DST: variants seen among roughly 807,000 people sequenced by gnomAD.
The protein encoded by DST is dystonin.
A neutral mutation model predicts 875.2 loss-of-function variants in DST; 253 were observed. That is an observed-to-expected ratio of 0.29 (90% confidence interval 0.26 to 0.32). DST has a LOEUF of 0.32. Ranked by LOEUF, DST falls within the 10% of genes least tolerant of loss-of-function variation. DST has a pLI of 1.00. For missense variants in DST, 8,287 were observed against 9,111.6 expected (o/e 0.91, Z 3.68); for synonymous variants, 3,124 against 3,197.1 (o/e 0.98, Z 0.77).
chr6:56,834,077 T>C (rs906445989), intron 4 of DST, among the ~76,000 whole-genome samples: 4 of 151,940 alleles, frequency 2.6e-5, no homozygotes, highest in African/African-American at 7.3e-5. Context: ...AACATAAAAA[T>C]ATTAGCCCAA....
chr6:56,630,501 T>A, intron 30 of DST, 118 bp from the exon 31 acceptor site: 1 of 900,956 alleles, frequency 1.1e-6, no homozygotes, highest in Non-Finnish European at 1.7e-6. Flanking sequence ...GGAACACTGA[T>A]ACATTTACTA....
chr6:56,815,156 AT>A (rs2099765134), intron 4 of DST, among the ~76,000 whole-genome samples: 1 of 152,220 alleles, frequency 6.6e-6, no homozygotes, highest in Non-Finnish European at 1.5e-5. Context: ...TATATAAAGC[AT>A]TTAGAACAGT....
Position 56,569,985 on chromosome 6 carries a change from T to C in DST, c.13749A>G (p.Glu4583=), listed in dbSNP as rs770856287. The change falls in exon 54 of 104, where the codon GAA becomes GAG. Residue 4583 remains glutamate (E), a synonymous_variant. Coordinates refer to ENST00000680361, the MANE Select transcript of DST (RefSeq NM_001374736.1). The stretch of plus-strand genomic sequence containing the variant: ...CAAGAACTTGGAAAGCATCCAACTG[T>C]TCTTGACAAGAAGTTACAGCTTCTT... ...EKKEAVTSCQ[E]QLDAFQVLVK... 1.3e-6 allele frequency: 2 copies of C among 1,596,288 alleles called. No homozygotes were observed. Among genetic ancestry groups the C allele is most frequent in the Non-Finnish European group, 1.7e-6 (2 of 1,175,498 alleles).
At chr6:56,491,277 A>T (rs757597876) in intron 85 of DST, among the ~76,000 whole-genome samples, 3 of 152,228 alleles carry the variant, frequency 2.0e-5, no homozygotes, top group Non-Finnish European at 4.4e-5. Context: ...CTCCCGTGAC[A>T]TCTTTTTGCA....
chr6:56,615,325 G>C, intron 36 of DST: 2 of 1,413,876 alleles, frequency 1.4e-6, no homozygotes, highest in Non-Finnish European at 1.8e-6. Flanking sequence ...ACCATTTGAA[G>C]GGCATTAAAT....
chr6:56,635,352 C>T (rs1007844523), intron 24 of DST, among the ~76,000 whole-genome samples: 1 of 151,844 alleles, frequency 6.6e-6, no homozygotes. Flanking sequence ...TAAACACACA[C>T]GTGCACACAC....
At chr6:56,881,240 C>T (rs1370854220) in intron 3 of DST, among the ~76,000 whole-genome samples, 7 of 152,044 alleles carry the variant, frequency 4.6e-5, no homozygotes, top group Non-Finnish European at 7.4e-5. Flanking sequence ...TTTGGGAGGC[C>T]GATGGGGGCA....
chr6:56,562,869 G>A (rs564452381), intron 55 of DST, among the ~76,000 whole-genome samples: 32 of 152,110 alleles, frequency 2.1e-4, no homozygotes, highest in African/African-American at 7.5e-4. Flanking sequence ...TTAGTTTGCT[G>A]AGAATGATAG....
chr6:56,464,454 T>C (rs961735387), intron 100 of DST: 49 of 543,224 alleles, frequency 9.0e-5, no homozygotes, highest in Admixed American at 1.3e-4. Context: ...AAGAACCCGG[T>C]GAGCAACGTG....
At chr6:56,622,599 A>C (rs2098701066) in intron 36 of DST, among the ~76,000 whole-genome samples, 1 of 145,020 alleles carries the variant, frequency 6.9e-6, no homozygotes, top group Admixed American at 6.9e-5. Flanking sequence ...AAAAAAAATC[A>C]TGTTGTCTCT....
intron 4 of DST, among the ~76,000 whole-genome samples, chr6:56,741,044 T>C (rs1228764156): frequency 6.6e-6 from 1 of 152,180 alleles, no homozygotes; most frequent in Non-Finnish European, 1.5e-5. Flanking sequence ...ATAGATTTCT[T>C]CTTTTCTAAG....
intron 58 of DST, among the ~76,000 whole-genome samples, 165 bp downstream of exon 58, chr6:56,560,129 C>T (rs1232845810): frequency 2.0e-5 from 3 of 151,994 alleles, no homozygotes; most frequent in Admixed American, 6.6e-5. Flanking sequence ...CAATTTTCTG[C>T]ACAATATAAT....
At chr6:56,730,398 A>G (rs769410026) in intron 5 of DST, among the ~76,000 whole-genome samples, 2 of 152,176 alleles carry the variant, frequency 1.3e-5, no homozygotes, top group Non-Finnish European at 2.9e-5. Flanking sequence ...AGCAAAAGCT[A>G]AATCAGTACT....
chr6:56,500,985 C>T, intron 80 of DST, 95 bp downstream of exon 80: 1 of 1,235,104 alleles, frequency 8.1e-7, no homozygotes. Flanking sequence ...AAATCATAAA[C>T]TTGAAACACG....
At chr6:56,712,436 A>G (rs1022566191) in intron 5 of DST, among the ~76,000 whole-genome samples, 1 of 152,190 alleles carries the variant, frequency 6.6e-6, no homozygotes, top group Admixed American at 6.6e-5. Flanking sequence ...TTATCACTTA[A>G]CGTGTCTAAG....
intron 4 of DST, among the ~76,000 whole-genome samples, chr6:56,746,523 C>T (rs187997078): frequency 1.3e-5 from 2 of 152,036 alleles, no homozygotes; most frequent in Non-Finnish European, 2.9e-5. Context: ...AAAGGAAAAT[C>T]TGCACATAGT....
chr6:56,860,707 T>C (rs2127592121), intron 3 of DST, among the ~76,000 whole-genome samples: 1 of 152,312 alleles, frequency 6.6e-6, no homozygotes, highest in Middle Eastern at 3.4e-3. Flanking sequence ...ACTTGTTTGA[T>C]CCAGGGGTAG....
chr6:56,854,904 C>T (rs1052922277), intron 3 of DST, among the ~76,000 whole-genome samples: 1 of 152,124 alleles, frequency 6.6e-6, no homozygotes, highest in Non-Finnish European at 1.5e-5. Flanking sequence ...CCCACTGACC[C>T]CAGGTTAAGA....
rs777699999 is a variant in DST, at chr6:56,606,494, C to A, written c.8134G>T (p.Gly2712Cys). ...SGEKIHLNPVGSDKVNGQSLE... is the reference protein window; with the variant it reads ...SGEKIHLNPVCSDKVNGQSLE... Reference sequence around the variant, plus strand: ...GACTGTCCATTCACCTTATCTGAGCCAACAGGATTTAAATGTATTTTTTCA... The same window carrying A: ...GACTGTCCATTCACCTTATCTGAGCAAACAGGATTTAAATGTATTTTTTCA... Residue 2712 changes from glycine (G) to cysteine (C), a missense_variant, in exon 40 of 104, where the codon GGC (glycine) becomes TGC (cysteine). Gly to Cys is a radical substitution (Grantham distance 159). Around this residue, in one of 10 missense-constraint regions of DST, gnomAD observed 3,138 missense variants for 3,116.6 expected, o/e 1.01. Coordinates refer to ENST00000680361, the MANE Select transcript of DST (RefSeq NM_001374736.1). 3.7e-6 allele frequency: 6 copies of A among 1,613,318 alleles called. No homozygotes were observed. In the African/African-American group the frequency reaches 4.0e-5, roughly 11 times the overall value.
Sources: gnomAD v4.1 joint callset for allele counts (sites outside exome capture counted in the v4.1 genomes callset) on GRCh38, gnomAD v4.1.1 for gene constraint, gnomAD v4.1.1 regional missense constraint, MANE v1.5 for transcripts, NCBI Gene and HGNC (gene_info 2026-07-23, HGNC 2026-07-21) for gene names.